BSCL2: variants seen among roughly 807,000 people sequenced by gnomAD.
The protein encoded by BSCL2 is seipin.
A neutral mutation model predicts 57.4 loss-of-function variants in BSCL2; 41 were observed. That is an observed-to-expected ratio of 0.71 (90% CI 0.56 to 0.93). BSCL2 has a LOEUF of 0.93. Ranked by LOEUF, BSCL2 falls within the 40% of genes least tolerant of loss-of-function variation. BSCL2 has a pLI of 0.00. For missense variants in BSCL2, 539 were observed against 586.7 expected (o/e 0.92, Z 0.84); for synonymous variants, 237 against 227.3 (o/e 1.04, Z -0.38).
upstream of BSCL2, chr11:62,707,533 G>T: frequency 1.6e-6 from 1 of 611,550 alleles, no homozygotes; most frequent in Non-Finnish European, 2.9e-6. Flanking sequence ...CTGTTGGGGA[G>T]GTCTCTAGCC....
upstream of BSCL2, chr11:62,707,536 C>T (rs2083563175): frequency 3.3e-6 from 2 of 606,190 alleles, no homozygotes; most frequent in South Asian, 1.9e-5. Flanking sequence ...TTGGGGAGGT[C>T]TCTAGCCCAG....
In BSCL2 at chr11:62,705,378, A is replaced by T; in HGVS notation, c.327T>A (p.Ser109=). The T allele has an allele frequency of 6.2e-7, 1 of 1,614,190 alleles. No individual in the cohort carries two copies. The highest frequency in any genetic ancestry group is 8.5e-7 in the Non-Finnish European group (1 of 1,180,012). The part of the protein sequence containing the change: ...FCTILLLLWV[S]VFLYGSFYYS... ...AGTAGAAGGAGCCATAGAGGAAGAC[A>T]GACACCCAGAGCAAAAGGAGGATGG... The change falls in exon 2 of 11, where the codon TCT becomes TCA. Residue 109 remains serine, a synonymous_variant. Transcript: ENST00000360796.
intron 2 of BSCL2, among the ~76,000 whole-genome samples, chr11:62,703,086 G>A (rs1011942136): frequency 2.6e-5 from 4 of 151,486 alleles, no homozygotes; most frequent in African/African-American, 7.3e-5. Flanking sequence ...GGAGGCAGAG[G>A]TTGTGGTGAG....
At chr11:62,708,159 T>TGGA (rs764921317), upstream of BSCL2, 16 of 695,428 alleles carry the variant, frequency 2.3e-5, no homozygotes, top group South Asian at 1.1e-4. Context: ...GACAGTCCAC[T>TGGA]GGAGGAGGAG....
In BSCL2 at chr11:62,690,780, G is replaced by A. The variant is rs758675404; in HGVS notation, c.1153+7C>T. ...AGGAAGGAGAGAGTGTGGTGGCTGC[G>A]CCATACCTGTCCCTGAGGGATCTTC... On this transcript the variant is annotated splice_region_variant and intron_variant, in intron 9 of 10. Coordinates refer to ENST00000360796, the MANE Select transcript of BSCL2 (RefSeq NM_001122955.4). 2.4e-5 allele frequency: 38 copies of A among 1,613,584 alleles called. No homozygotes were observed. Among genetic ancestry groups the A allele is most frequent in the East Asian group, 2.0e-4 (9 of 44,888 alleles).
At chr11:62,707,644 G>T, upstream of BSCL2, 1 of 468,424 alleles carries the variant, frequency 2.1e-6, no homozygotes, top group South Asian at 2.1e-5. Flanking sequence ...CACTGGCCAG[G>T]CAGTTGGTAT....
chr11:62,691,208 C>G, intron 7 of BSCL2, 67 bp from the exon 8 acceptor site: 1 of 1,614,006 alleles, frequency 6.2e-7, no homozygotes, highest in Non-Finnish European at 8.5e-7. Flanking sequence ...ACCCTCATGC[C>G]TTAATCCCCA....
At chr11:62,706,571 C>T (rs1402206456) in intron 1 of BSCL2, 19 of 465,706 alleles carry the variant, frequency 4.1e-5, no homozygotes, top group South Asian at 1.7e-4. Flanking sequence ...AGCCTCCGCT[C>T]GGCTCTCCCT....
chr11:62,709,338 G>A (rs1841720207), upstream of BSCL2: 1 of 453,978 alleles, frequency 2.2e-6, no homozygotes, highest in Admixed American at 2.4e-5. Context: ...GGGATGGCGG[G>A]CGCGAGAGAG....
At chr11:62,709,518 G>C (rs1359206288), upstream of BSCL2, 1 of 453,158 alleles carries the variant, frequency 2.2e-6, no homozygotes, top group Non-Finnish European at 4.4e-6. Context: ...TCTTAGGAGG[G>C]TAGGGGCGGA....
In BSCL2 at chr11:62,707,147, CCT is replaced by C. The variant is rs1264865368; in HGVS notation, c.47_48del (p.Glu16GlyfsTer33). ...GGTCCTTTGATCTGGTCTCCGCACA[CCT>C]CTTTTTCCCCAGCTTCCTCCTTTTG... The part of the protein sequence containing the change: ...VDQKEEAGEK[E>X]VCGDQIKGPD... On this transcript the variant is annotated frameshift_variant, in exon 1 of 11. Coordinates refer to ENST00000360796, the MANE Select transcript of BSCL2 (RefSeq NM_001122955.4). LOFTEE classifies it high-confidence loss of function. The C allele has an allele frequency of 1.3e-6, 2 of 1,554,698 alleles. No individual in the cohort carries two copies. Among genetic ancestry groups the C allele is most frequent in the East Asian group, 2.4e-5 (1 of 41,754 alleles).
chr11:62,700,867 C>T (rs1032989626), intron 3 of BSCL2, among the ~76,000 whole-genome samples: 1 of 151,812 alleles, frequency 6.6e-6, no homozygotes, highest in Non-Finnish European at 1.5e-5. Flanking sequence ...GTGGGAGAAT[C>T]GCTTGATCCC....
At chr11:62,705,775 C>T in intron 1 of BSCL2, 158 bp from the exon 2 acceptor site, 1 of 733,622 alleles carries the variant, frequency 1.4e-6, no homozygotes. Flanking sequence ...GCCACTCTGC[C>T]AATTACCCCT....
At position 62,690,715 on chromosome 11, in the gene BSCL2, G is replaced by C. The variant is rs748680075; in HGVS notation, c.1154-23C>G. On this transcript the variant is annotated intron_variant, in intron 9 of 10. Transcript: ENST00000360796. ...CCTCTGCAGCCAAAAGGGGAATGCA[G>C]GGGTCAGACCCAGACACTGAAGGAG... 1.9e-6 allele frequency: 3 copies of C among 1,613,804 alleles called. No individual in the cohort carries two copies. The South Asian group carries it at 3.3e-5, about 18-fold the overall frequency.
chr11:62,702,461 T>C lies in BSCL2; in HGVS notation c.486+7A>G, dbSNP rs1554984999. ...TAATGAAACCTCTCTCTAGTTCCCATACTCACCCGATCACGTCCACCCTTA... is the reference window on the plus strand; with the variant it reads ...TAATGAAACCTCTCTCTAGTTCCCACACTCACCCGATCACGTCCACCCTTA... On this transcript the variant is annotated splice_region_variant and intron_variant, in intron 3 of 10. Coordinates refer to ENST00000360796, the MANE Select transcript of BSCL2 (RefSeq NM_001122955.4). 6.8e-6 allele frequency: 11 copies of C among 1,608,726 alleles called. No homozygotes were observed. Among genetic ancestry groups the C allele is most frequent in the African/African-American group, 1.3e-5 (1 of 74,864 alleles).
chr11:62,696,567 C>T (rs1302192009), intron 3 of BSCL2, among the ~76,000 whole-genome samples: 1 of 149,182 alleles, frequency 6.7e-6, no homozygotes, highest in Non-Finnish European at 1.5e-5. Flanking sequence ...TAATTCTTTT[C>T]TTTTTTGAGA....
intron 2 of BSCL2, among the ~76,000 whole-genome samples, chr11:62,703,953 C>G (rs1458535443): frequency 1.3e-5 from 2 of 149,438 alleles, no homozygotes; most frequent in East Asian, 4.1e-4. Flanking sequence ...CCCATCTCTA[C>G]TAAAAATACA....
Position 62,707,274 on chromosome 11 carries a change from C to A in BSCL2, c.-79G>T. The A allele has an allele frequency of 8.2e-7, 1 of 1,224,600 alleles. No homozygotes were observed. The allele number at this position is 1,224,600 out of a possible 1,614,324, so 75.9% of individuals were successfully genotyped here. A position where few individuals can be genotyped will look rare whatever the true frequency, so the allele number is the denominator to read the frequency against. Reference sequence around the variant, plus strand: ...AAAACGTGAAGTGGCGATCCAGACGCTGATACCTGTGGCGCATCACATTTT... The same window carrying A: ...AAAACGTGAAGTGGCGATCCAGACGATGATACCTGTGGCGCATCACATTTT... On this transcript the variant is annotated 5_prime_UTR_variant, in exon 1 of 11. Coordinates refer to ENST00000360796, the MANE Select transcript of BSCL2 (RefSeq NM_001122955.4).
chr11:62,705,484 A>C lies in BSCL2; in HGVS notation c.221T>G (p.Leu74Ter). ...TTGGCCCACCTCCTGGGCCCACAGT[A>C]AGGCAGGTACTGGAGGGTCGTTGAC... ...AMVNDPPVPA[L>*]LWAQEVGQVL... The change falls in exon 2 of 11, where the codon TTA (leucine) becomes TGA (stop). Residue 74 changes from leucine (L) to a stop codon, truncating the protein, a stop_gained. Transcript: ENST00000360796. LOFTEE classifies it high-confidence loss of function. 1 of 1,614,190 alleles carries C rather than the reference A, an allele frequency of 6.2e-7. No individual in the cohort carries two copies. Among genetic ancestry groups the C allele is most frequent in the Non-Finnish European group, 8.5e-7 (1 of 1,180,020 alleles).
Sources: allele counts gnomAD v4.1 joint callset (sites outside exome capture counted in the v4.1 genomes callset), GRCh38; gene constraint gnomAD v4.1.1; transcripts MANE v1.5; gene names NCBI Gene and HGNC (gene_info 2026-07-23, HGNC 2026-07-21).